SLC35F4: variants seen among roughly 807,000 people sequenced by gnomAD.
SLC35F4 encodes chromosome 14 open reading frame 36.
SLC35F4 carries 24 observed loss-of-function variants against 44.2 expected under a neutral mutation model. That is an observed-to-expected ratio of 0.54 (90% CI 0.39 to 0.76). SLC35F4 has a LOEUF of 0.76. SLC35F4 is among the 30% of genes least tolerant of loss of function. The pLI, the probability that SLC35F4 is intolerant of heterozygous loss-of-function variation, is 0.00. For missense variants in SLC35F4, 562 were observed against 586.1 expected, an observed-to-expected ratio of 0.96 and a Z score of 0.42; for synonymous variants, 238 against 223.6, an observed-to-expected ratio of 1.06 and a Z score of -0.57.
chr14:57,962,896 G>C (rs1890364190), intron 1 of SLC35F4, among the ~76,000 whole-genome samples: 1 of 152,160 alleles, frequency 6.6e-6, no homozygotes, highest in African/African-American at 2.4e-5. Flanking sequence ...CGTCAATCCT[G>C]CAACAGGCTG....
At chr14:57,875,061 T>C (rs1470020871) in intron 1 of SLC35F4, among the ~76,000 whole-genome samples, 2 of 152,238 alleles carry the variant, frequency 1.3e-5, no homozygotes. Flanking sequence ...TTTCTTATTA[T>C]GGAATTGACA....
intron 1 of SLC35F4, among the ~76,000 whole-genome samples, chr14:57,695,465 AAT>A (rs2075356414): frequency 6.6e-6 from 1 of 151,628 alleles, no homozygotes; most frequent in African/African-American, 2.4e-5. Context: ...TCAAAACCAC[AAT>A]GAGATACCAT....
rs142861140 is a variant in SLC35F4, at chr14:57,761,489, AAAGTT to A, written c.103+104229_103+104233del. Among the ~76,000 whole-genome samples, 1,105 of 152,326 alleles carry A rather than the reference AAAGTT, an allele frequency of 7.3e-3. 14 individuals are homozygous for A. Among genetic ancestry groups the A allele is most frequent in the African/African-American group, 0.024 (1,010 of 41,578 alleles). ...AAGACTTAGAACAAAAATTGTGTAC[AAAGTT>A]AAGTTTTAGGAAGAGTAAGTTATTA... On this transcript the variant is annotated intron_variant, in intron 1 of 7. Transcript: ENST00000556826.
intron 1 of SLC35F4, among the ~76,000 whole-genome samples, chr14:57,854,205 G>C (rs993860056): frequency 6.6e-6 from 1 of 152,052 alleles, no homozygotes; most frequent in East Asian, 1.9e-4. Context: ...GTATGCCTTA[G>C]GAAAACTGGA....
intron 1 of SLC35F4, among the ~76,000 whole-genome samples, chr14:57,793,576 T>C (rs972454056): frequency 1.4e-4 from 22 of 152,158 alleles, no homozygotes; most frequent in African/African-American, 5.1e-4. Context: ...TATTTAATTA[T>C]TTTTTATGGC....
At chr14:57,779,715 A>G (rs994422989) in intron 1 of SLC35F4, among the ~76,000 whole-genome samples, 2 of 152,214 alleles carry the variant, frequency 1.3e-5, no homozygotes, top group African/African-American at 2.4e-5. Context: ...CCAGCAGCAC[A>G]TGAAAAAGCT....
At chr14:57,631,324 G>T (rs78956790) in intron 1 of SLC35F4, among the ~76,000 whole-genome samples, 1,547 of 151,826 alleles carry the variant, frequency 0.01, 24 homozygotes, top group African/African-American at 0.036. Flanking sequence ...ATGAAGATTT[G>T]GAAAATAGAA....
intron 1 of SLC35F4, among the ~76,000 whole-genome samples, chr14:57,886,362 T>C (rs1330860098): frequency 5.3e-5 from 8 of 152,160 alleles, no homozygotes; most frequent in African/African-American, 1.7e-4. Flanking sequence ...TGGAGAAGAA[T>C]CTGCTTCCAA....
intron 1 of SLC35F4, among the ~76,000 whole-genome samples, chr14:57,605,706 A>G (rs1207607007): frequency 3.9e-5 from 6 of 152,120 alleles, no homozygotes; most frequent in Non-Finnish European, 7.4e-5. Context: ...GAATCAACCC[A>G]GGTGCCCATC....
downstream of SLC35F4, chr14:57,976,624 A>G (rs1043357905): frequency 5.3e-5 from 8 of 152,312 alleles, no homozygotes; most frequent in East Asian, 7.7e-4. Context: ...AACCAGATAG[A>G]TCATGGCAGA....
chr14:57,579,054 G>C (rs2139786286), intron 4 of SLC35F4: 1 of 152,322 alleles, frequency 6.6e-6, no homozygotes, highest in Middle Eastern at 3.4e-3. Flanking sequence ...TCCAATCTCT[G>C]TGTCTGTGAT....
chr14:57,571,768 T>G (rs556356372), intron 5 of SLC35F4, 126 bp downstream of exon 5: 4 of 1,324,390 alleles, frequency 3.0e-6, no homozygotes, highest in Non-Finnish European at 4.0e-6. Flanking sequence ...AGTAGTTAAT[T>G]TACTTACTAT....
At chr14:57,782,752 T>G (rs1196641052) in intron 1 of SLC35F4, among the ~76,000 whole-genome samples, 1 of 152,202 alleles carries the variant, frequency 6.6e-6, no homozygotes, top group Admixed American at 6.5e-5. Flanking sequence ...CTCTCCCAGT[T>G]CACACACATT....
intron 1 of SLC35F4, among the ~76,000 whole-genome samples, chr14:57,776,302 C>T (rs2077485840): frequency 6.6e-6 from 1 of 152,144 alleles, no homozygotes; most frequent in South Asian, 2.1e-4. Context: ...CAACAAACCC[C>T]TGCAAAATAC....
chr14:57,813,065 G>A (rs1200785766), intron 1 of SLC35F4, among the ~76,000 whole-genome samples: 1 of 152,148 alleles, frequency 6.6e-6, no homozygotes, highest in Non-Finnish European at 1.5e-5. Flanking sequence ...TTTCTCAGAT[G>A]AGGAAACAGG....
At chr14:57,759,890 T>TTG (rs994394844) in intron 1 of SLC35F4, among the ~76,000 whole-genome samples, 1 of 148,536 alleles carries the variant, frequency 6.7e-6, no homozygotes, top group Non-Finnish European at 1.5e-5. Context: ...GTTTTTTTTT[T>TTG]TTGTTTGCTT....
At chr14:57,875,602 A>T (rs927778972) in intron 1 of SLC35F4, among the ~76,000 whole-genome samples, 1 of 152,220 alleles carries the variant, frequency 6.6e-6, no homozygotes, top group Non-Finnish European at 1.5e-5. Context: ...AGATTGGGAT[A>T]ACTGGGCCAC....
intron 1 of SLC35F4, among the ~76,000 whole-genome samples, chr14:57,600,691 C>CAAAAAAAAAAAAAAAAA (rs67819924): frequency 1.8e-5 from 1 of 55,404 alleles, no homozygotes; most frequent in African/African-American, 7.7e-5. Flanking sequence ...GACTCCATCT[C>CAAAAAAAAAAAAAAAAA]AAAAAAAAAA....
chr14:57,876,495 T>C (rs2141029999), intron 1 of SLC35F4, among the ~76,000 whole-genome samples: 1 of 152,294 alleles, frequency 6.6e-6, no homozygotes, highest in East Asian at 1.9e-4. Context: ...TATAACCACA[T>C]TTATATTTTT....
Sources: allele counts gnomAD v4.1 joint callset (sites outside exome capture counted in the v4.1 genomes callset), GRCh38; gene constraint gnomAD v4.1.1; transcripts MANE v1.5; gene names NCBI Gene and HGNC (gene_info 2026-07-23, HGNC 2026-07-21).